Variants in SLC15A5 observed in about 807,000 individuals in gnomAD.
The protein encoded by SLC15A5 is Peptide/histidine transporter ENSP00000340402.
Under a neutral mutation model 56.1 loss-of-function variants are expected in SLC15A5, and 58 were observed. The observed-to-expected ratio is 1.03, with a 90% CI of 0.84 to 1.29. The LOEUF (loss-of-function observed/expected upper bound fraction) is 1.29, where lower values mean the gene tolerates loss of function less well. SLC15A5 is among the 50% of genes most tolerant of loss of function. SLC15A5 has a pLI of 0.00. For synonymous variants in SLC15A5, 264 were observed against 250.5 expected (o/e 1.05, Z -0.51); for missense variants, 681 against 672.1 (o/e 1.01, Z -0.15).
intron 6 of SLC15A5, among the ~76,000 whole-genome samples, chr12:16,223,379 G>A (rs1252061689): frequency 4.6e-5 from 7 of 152,062 alleles, no homozygotes; most frequent in African/African-American, 9.7e-5. Context: ...CCTACTACAC[G>A]AAAATTTAAG....
chr12:16,264,555 T>A (rs1169587778), intron 2 of SLC15A5, among the ~76,000 whole-genome samples: 1 of 152,106 alleles, frequency 6.6e-6, no homozygotes, highest in African/African-American at 2.4e-5. Flanking sequence ...AATGTGAGGA[T>A]ATGAGATTTG....
rs150182461 is a variant in SLC15A5 at position 16,275,448 on chromosome 12, T to G, written c.361+1877A>C. ...TAGATAATAGAAGCAATATAGAGAT[T>G]TATTTGTTCAGGAAGTCAGTGTTGT... On this transcript the variant is annotated intron_variant, in intron 1 of 8. Transcript: ENST00000344941. Among the ~76,000 whole-genome samples, 38 of 152,104 alleles carry G rather than the reference T, an allele frequency of 2.5e-4. 1 individual carries two copies. In the East Asian group the frequency reaches 6.8e-3, roughly 27 times the overall value.
At chr12:16,259,254 C>T (rs568641016) in intron 2 of SLC15A5, among the ~76,000 whole-genome samples, 88 of 151,470 alleles carry the variant, frequency 5.8e-4, no homozygotes, top group African/African-American at 2.1e-3. Flanking sequence ...CCAGGCTGCA[C>T]ATCTGATTCC....
At chr12:16,258,581 A>C (rs949648627) in intron 2 of SLC15A5, among the ~76,000 whole-genome samples, 1 of 152,238 alleles carries the variant, frequency 6.6e-6, no homozygotes, top group Non-Finnish European at 1.5e-5. Flanking sequence ...AATTAAATGC[A>C]ATAAAATTTA....
rs77794612 is a variant in SLC15A5, at chr12:16,277,407, G to C, written c.279C>G (p.Thr93=). 5,615 of 1,536,378 alleles carry C rather than the reference G, an allele frequency of 3.7e-3. 164 individuals carry two copies. In the African/African-American group the frequency reaches 0.069, roughly 19 times the overall value. The change falls in exon 1 of 9, where the codon ACC becomes ACG. Residue 93 remains threonine (T), a synonymous_variant. Transcript: ENST00000344941. The part of the protein sequence containing the change: ...NLCFIGTSIL[T]PVFVRWLTDV... ...CAGTGAGCCATCTGACAAACACAGG[G>C]GTAAGTATTGAAGTTCCAATAAAAC... is the stretch of plus-strand genomic sequence containing the variant.
At chr12:16,228,751 T>C (rs1368709043) in intron 5 of SLC15A5, among the ~76,000 whole-genome samples, 3 of 152,224 alleles carry the variant, frequency 2.0e-5, no homozygotes. Flanking sequence ...TTCTCTTCTA[T>C]ATGATTTTCT....
chr12:16,229,893 G>C (rs1413280651), intron 5 of SLC15A5, among the ~76,000 whole-genome samples: 1 of 152,150 alleles, frequency 6.6e-6, no homozygotes, highest in Non-Finnish European at 1.5e-5. Flanking sequence ...CTTCTAAGAA[G>C]TTTGGTGTGC....
intron 7 of SLC15A5, among the ~76,000 whole-genome samples, chr12:16,202,849 G>A (rs1799521): frequency 0.78 from 118,614 of 152,016 alleles, 46,544 homozygotes; most frequent in East Asian, 0.99. Flanking sequence ...GCTAATTGAC[G>A]TAAGCAAGAC....
At chr12:16,277,242 G>A (rs890931650) in intron 1 of SLC15A5, 83 bp downstream of exon 1, 9 of 1,290,566 alleles carry the variant, frequency 7.0e-6, no homozygotes, top group Non-Finnish European at 9.3e-6. Flanking sequence ...TAAGAGCAGA[G>A]TGAAAATAAT....
intron 7 of SLC15A5, among the ~76,000 whole-genome samples, chr12:16,195,135 A>C (rs995535791): frequency 6.6e-6 from 1 of 152,030 alleles, no homozygotes; most frequent in Non-Finnish European, 1.5e-5. Flanking sequence ...TCAAGGTTCA[A>C]GGTAATTACT....
At chr12:16,259,462 G>A (rs1864617578) in intron 2 of SLC15A5, among the ~76,000 whole-genome samples, 1 of 150,172 alleles carries the variant, frequency 6.7e-6, no homozygotes, top group Non-Finnish European at 1.5e-5. Flanking sequence ...TTTCCTCTAA[G>A]TAAAAGGAGA....
chr12:16,198,150 AAGT>A, intron 7 of SLC15A5, among the ~76,000 whole-genome samples: 1 of 152,304 alleles, frequency 6.6e-6, no homozygotes, highest in South Asian at 2.1e-4. Flanking sequence ...TCAACTGCTG[AAGT>A]AGTAAAGGAC....
At chr12:16,201,362 A>C (rs945583458) in intron 7 of SLC15A5, among the ~76,000 whole-genome samples, 1 of 152,182 alleles carries the variant, frequency 6.6e-6, no homozygotes, top group African/African-American at 2.4e-5. Context: ...CTATAGTATC[A>C]AAACAGCATG....
chr12:16,277,350 G>T lies in SLC15A5; in HGVS notation c.336C>A (p.Tyr112Ter), dbSNP rs1671487. Residue 112 changes from tyrosine (Y) to a stop codon, truncating the protein, a stop_gained, in exon 1 of 9, where the codon TAC becomes TAA. Transcript: ENST00000344941. LOFTEE classifies it high-confidence loss of function. ...CTAGAAAATGTAGAAACAAGCAAAT[G>T]TACACCAGTTTGTTTCTTCCTAAAT... Reference protein sequence around the residue: ...DVYLGRNKLVYICLFLHFLGT... With the variant: ...DVYLGRNKLV 5.9e-6 allele frequency: 9 copies of T among 1,533,808 alleles called. No individual in the cohort carries two copies. The highest frequency in any genetic ancestry group is 7.9e-6 in the Non-Finnish European group (9 of 1,144,822).
intron 3 of SLC15A5, among the ~76,000 whole-genome samples, chr12:16,245,629 T>TA (rs1864454301): frequency 6.6e-6 from 1 of 152,184 alleles, no homozygotes; most frequent in Admixed American, 6.5e-5. Context: ...TCATGATAGT[T>TA]ACAGGTTTTC....
Position 16,194,392 on chromosome 12 carries a change from T to A in SLC15A5, c.1545A>T (p.Ala515=), listed in dbSNP as rs756016999. The A allele has an allele frequency of 6.5e-7, 1 of 1,535,586 alleles. No homozygotes were observed. Among genetic ancestry groups the A allele is most frequent in the Non-Finnish European group, 8.7e-7 (1 of 1,145,704 alleles). Residue 515 remains alanine, a synonymous_variant, in exon 8 of 9, where the codon GCA becomes GCT. Transcript: ENST00000344941. ...CCAGGACGTTCAACAATGTTAATGA[T>A]GCCAGGAAGAAGAAGAAGCTTTCTA... ...GNLESFFFFL[A]SLTLLNVLGF... is the part of the protein sequence containing the mutation.
chr12:16,246,371 A>G (rs376659479), intron 3 of SLC15A5, among the ~76,000 whole-genome samples: 4 of 152,292 alleles, frequency 2.6e-5, no homozygotes, highest in Admixed American at 2.6e-4. Flanking sequence ...TTTCCTAGCT[A>G]TTTCAATTAG....
At chr12:16,198,505 A>G (rs2136238967) in intron 7 of SLC15A5, among the ~76,000 whole-genome samples, 1 of 152,222 alleles carries the variant, frequency 6.6e-6, no homozygotes, top group East Asian at 1.9e-4. Context: ...ACTCAGCAGA[A>G]CCCTCATCTT....
chr12:16,204,713 C>T (rs909285764), intron 7 of SLC15A5, among the ~76,000 whole-genome samples: 7 of 152,184 alleles, frequency 4.6e-5, no homozygotes, highest in Middle Eastern at 6.8e-3. Flanking sequence ...TGATTAGTTT[C>T]ATTTCACTTA....
Sources: allele counts gnomAD v4.1 joint callset (sites outside exome capture counted in the v4.1 genomes callset), GRCh38; gene constraint gnomAD v4.1.1; transcripts MANE v1.5; gene names NCBI Gene and HGNC (gene_info 2026-07-23, HGNC 2026-07-21).